Variants in GRM1 observed in about 807,000 individuals in gnomAD.
GRM1 encodes metabotropic glutamate receptor 1.
Under a neutral mutation model 90.9 loss-of-function variants are expected in GRM1, and 33 were observed. The observed-to-expected ratio is 0.36, with a 90% CI of 0.28 to 0.49. The LOEUF is 0.49. GRM1 is among the 20% of genes least tolerant of loss of function. GRM1 has a pLI of 0.99. For missense variants in GRM1, 1,190 were observed against 1,534.3 expected, an observed-to-expected ratio of 0.78 and a Z score of 3.75; for synonymous variants, 700 against 613.2, an observed-to-expected ratio of 1.14 and a Z score of -2.09.
chr6:146,325,833 G>A (rs1416994156), intron 3 of GRM1, among the ~76,000 whole-genome samples: 2 of 152,046 alleles, frequency 1.3e-5, no homozygotes, highest in African/African-American at 4.8e-5. Context: ...CTTTGCTTAT[G>A]TCTTTTGTCA....
chr6:146,137,259 G>A (rs567609590), intron 1 of GRM1, among the ~76,000 whole-genome samples: 57 of 152,250 alleles, frequency 3.7e-4, no homozygotes, highest in African/African-American at 1.3e-3. Flanking sequence ...ATCCTGGAGA[G>A]TTTCCTCGAT....
intron 1 of GRM1, among the ~76,000 whole-genome samples, chr6:146,141,363 G>A (rs1776875273): frequency 6.6e-6 from 1 of 150,498 alleles, no homozygotes; most frequent in African/African-American, 2.5e-5. Flanking sequence ...CCTCGAAGTA[G>A]TCTTCTTTGG....
In GRM1 at chr6:146,434,775, G is replaced by A. The variant is rs1466860214; in HGVS notation, c.3564G>A (p.Lys1188=). The change falls in exon 8 of 8, where the codon AAG becomes AAA. Residue 1188 remains lysine (K), a synonymous_variant. Coordinates refer to ENST00000282753, the MANE Select transcript of GRM1 (RefSeq NM_001278064.2). ...CCTCTGTCATTCTGCGGGACTACAA[G>A]CAAAGCTCTTCCACCCTGTAAGGGG... ...SYASVILRDY[K]QSSSTL The A allele has an allele frequency of 6.3e-7, 1 of 1,599,310 alleles. No individual in the cohort carries two copies. Among genetic ancestry groups the A allele is most frequent in the Non-Finnish European group, 8.5e-7 (1 of 1,179,774 alleles).
chr6:146,029,317 CG>C lies in GRM1; in HGVS notation c.-199del, dbSNP rs139981126. 5.2e-3 allele frequency: 3,194 copies of C among 611,006 alleles called. 60 individuals carry two copies. The highest frequency in any genetic ancestry group is 0.05 in the African/African-American group (2,693 of 54,244). The allele number at this position is 611,006 out of a possible 1,614,324, so 37.8% of individuals were successfully genotyped here. A position where few individuals can be genotyped will look rare whatever the true frequency, so the allele number is the denominator to read the frequency against. The stretch of plus-strand genomic sequence containing the variant: ...TACAAACGCCTCCAGCTTGTAGAGG[CG>C]GTCGTGGAGGACCCAGAGGAGGAGA... On this transcript the variant is annotated 5_prime_UTR_variant, in exon 1 of 8. Transcript: ENST00000282753.
At chr6:146,303,569 T>C (rs1055210940) in intron 2 of GRM1, among the ~76,000 whole-genome samples, 1 of 152,190 alleles carries the variant, frequency 6.6e-6, no homozygotes, top group Non-Finnish European at 1.5e-5. Context: ...CCTTTAAATG[T>C]AATCATCAAG....
chr6:146,313,677 T>C (rs998774491), intron 3 of GRM1, among the ~76,000 whole-genome samples: 1 of 152,192 alleles, frequency 6.6e-6, no homozygotes, highest in Non-Finnish European at 1.5e-5. Context: ...ATTTACTCTT[T>C]TCTTCCTTTT....
intron 1 of GRM1, among the ~76,000 whole-genome samples, chr6:146,146,515 G>C (rs1468649799): frequency 6.6e-6 from 1 of 152,138 alleles, no homozygotes; most frequent in East Asian, 1.9e-4. Flanking sequence ...TTGGAATGAA[G>C]GTATTTGTGA....
At chr6:146,431,858 C>T (rs552850407) in intron 7 of GRM1, among the ~76,000 whole-genome samples, 15 of 151,874 alleles carry the variant, frequency 9.9e-5, no homozygotes, top group Admixed American at 8.5e-4. Flanking sequence ...ATATTGAATG[C>T]ATAAAAAAAA....
intron 2 of GRM1, among the ~76,000 whole-genome samples, chr6:146,247,360 G>A (rs1781095769): frequency 6.6e-6 from 1 of 152,158 alleles, no homozygotes; most frequent in African/African-American, 2.4e-5. Flanking sequence ...CATGGTACAA[G>A]GAGCGGGGAG....
intron 6 of GRM1, among the ~76,000 whole-genome samples, chr6:146,392,700 G>A (rs907616089): frequency 6.6e-6 from 1 of 151,998 alleles, no homozygotes; most frequent in African/African-American, 2.4e-5. Flanking sequence ...CACACTCCCT[G>A]ACAGTCTCTG....
chr6:146,258,187 G>A (rs1781558153), intron 2 of GRM1, among the ~76,000 whole-genome samples: 1 of 152,070 alleles, frequency 6.6e-6, no homozygotes. Context: ...ATTTCTATCA[G>A]CAGCAATGAT....
intron 5 of GRM1, among the ~76,000 whole-genome samples, chr6:146,370,696 G>C (rs1028419): frequency 0.24 from 36,218 of 151,752 alleles, 4,923 homozygotes; most frequent in Middle Eastern, 0.32. Context: ...AGAATAATCT[G>C]TCATCATGCT....
At chr6:146,378,218 C>T (rs992274589) in intron 5 of GRM1, among the ~76,000 whole-genome samples, 1 of 152,206 alleles carries the variant, frequency 6.6e-6, no homozygotes, top group Non-Finnish European at 1.5e-5. Flanking sequence ...GGTGAGCCCC[C>T]ATACAGAGTT....
At chr6:146,221,119 C>T (rs1025479908) in intron 2 of GRM1, among the ~76,000 whole-genome samples, 1 of 152,116 alleles carries the variant, frequency 6.6e-6, no homozygotes. Context: ...TTTCTGAAAA[C>T]AACCCAAAGC....
At chr6:146,042,745 T>G (rs1791162221) in intron 1 of GRM1, among the ~76,000 whole-genome samples, 1 of 151,976 alleles carries the variant, frequency 6.6e-6, no homozygotes, top group Non-Finnish European at 1.5e-5. Flanking sequence ...ATTTTGACAT[T>G]CTCTTCACTA....
chr6:146,334,814 T>C (rs540680427), intron 3 of GRM1, among the ~76,000 whole-genome samples: 1 of 152,274 alleles, frequency 6.6e-6, no homozygotes, highest in East Asian at 1.9e-4. Context: ...CAGGATGCCT[T>C]ATTTCCCACT....
At chr6:146,070,171 A>G (rs941419572) in intron 1 of GRM1, among the ~76,000 whole-genome samples, 3 of 150,988 alleles carry the variant, frequency 2.0e-5, no homozygotes, top group African/African-American at 4.9e-5. Context: ...TCTTAAAGTC[A>G]TTTTTTTTTC....
At chr6:146,432,218 T>C (rs1364505479) in intron 7 of GRM1, among the ~76,000 whole-genome samples, 7 of 152,194 alleles carry the variant, frequency 4.6e-5, no homozygotes, top group Non-Finnish European at 8.8e-5. Flanking sequence ...AAAAATGCAG[T>C]GTAGGGTATC....
Position 146,128,469 on chromosome 6 carries a change from G to T in GRM1, c.701-30879G>T, listed in dbSNP as rs28542711. Among the ~76,000 whole-genome samples, 506 of 152,164 alleles carry T rather than the reference G, an allele frequency of 3.3e-3. 3 individuals carry two copies. Among genetic ancestry groups the T allele is most frequent in the African/African-American group, 0.012 (488 of 41,516 alleles). ...TTGAGATAAGAAAAATGCAGCATAG[G>T]GAGTCTTATTTCACCAATAATATAT... On this transcript the variant is annotated intron_variant, in intron 1 of 7. Transcript: ENST00000282753.
Sources: allele counts gnomAD v4.1 joint callset (sites outside exome capture counted in the v4.1 genomes callset), GRCh38; gene constraint gnomAD v4.1.1; transcripts MANE v1.5; gene names NCBI Gene and HGNC (gene_info 2026-07-23, HGNC 2026-07-21).